WDPCP: variants seen among roughly 807,000 people sequenced by gnomAD.
WDPCP encodes the protein WD repeat-containing and planar cell polarity effector protein fritz homolog.
Under a neutral mutation model 93.1 loss-of-function variants are expected in WDPCP, and 71 were observed. That is an observed-to-expected ratio of 0.76 (90% CI 0.63 to 0.93). The LOEUF is 0.93. WDPCP is among the 40% of genes least tolerant of loss of function. The probability of loss-of-function intolerance (pLI) is 0.00; values close to 1 mark genes in which losing one functional copy is unlikely to be tolerated. For synonymous variants in WDPCP, 315 were observed against 315.0 expected (o/e 1.00, Z 0.00); for missense variants, 844 against 887.4 (o/e 0.95, Z 0.62).
intron 17 of WDPCP, among the ~76,000 whole-genome samples, chr2:63,150,389 C>T (rs1364906290): frequency 6.6e-6 from 1 of 152,122 alleles, no homozygotes; most frequent in Non-Finnish European, 1.5e-5. Flanking sequence ...AAACTACTGG[C>T]ATTCAGTAGA....
chr2:63,131,833 CTTTTT>C (rs55670342), intron 17 of WDPCP, among the ~76,000 whole-genome samples: 2 of 107,718 alleles, frequency 1.9e-5, no homozygotes, highest in African/African-American at 7.2e-5. Flanking sequence ...ATACAGTATT[CTTTTT>C]TTTTTTTTTT....
At chr2:63,607,080 T>G (rs1260290978) in intron 3 of WDPCP, 1 of 1,276,674 alleles carries the variant, frequency 7.8e-7, no homozygotes, top group Non-Finnish European at 1.1e-6. Flanking sequence ...TATACTTAAA[T>G]TACTTGTGAA....
chr2:63,328,781 G>A (rs12713484), intron 12 of WDPCP, among the ~76,000 whole-genome samples: 81,431 of 151,982 alleles, frequency 0.54, 22,235 homozygotes, highest in Admixed American at 0.63. Flanking sequence ...ACCCAGGCTG[G>A]AGTACAGCAG....
At chr2:63,419,063 TAA>T (rs1286161985) in intron 9 of WDPCP, among the ~76,000 whole-genome samples, 4 of 152,210 alleles carry the variant, frequency 2.6e-5, no homozygotes, top group South Asian at 2.1e-4. Flanking sequence ...GTAGAAAAGA[TAA>T]AGAGTCCCTA....
At chr2:63,335,351 T>C (rs746393339) in intron 12 of WDPCP, among the ~76,000 whole-genome samples, 5 of 152,162 alleles carry the variant, frequency 3.3e-5, no homozygotes, top group Non-Finnish European at 7.4e-5. Flanking sequence ...CCTAAAATGA[T>C]TGAGACTCTC....
intron 9 of WDPCP, among the ~76,000 whole-genome samples, chr2:63,406,339 C>T (rs1026158120): frequency 6.6e-6 from 1 of 152,138 alleles, no homozygotes; most frequent in Non-Finnish European, 1.5e-5. Context: ...TCCTTCCCTC[C>T]CTCACACTCT....
chr2:63,373,430 A>G (rs796776021), intron 12 of WDPCP, among the ~76,000 whole-genome samples: 17 of 151,260 alleles, frequency 1.1e-4, no homozygotes, highest in African/African-American at 4.1e-4. Context: ...TTTTTAAAAA[A>G]CGTTTTGTAG....
chr2:63,551,556 C>A, intron 1 of WDPCP, among the ~76,000 whole-genome samples: 1 of 152,294 alleles, frequency 6.6e-6, no homozygotes, highest in South Asian at 2.1e-4. Context: ...CAGCACCATG[C>A]TTCCTGTACA....
At chr2:63,702,426 A>C (rs1043387193) in intron 2 of WDPCP, among the ~76,000 whole-genome samples, 1 of 152,258 alleles carries the variant, frequency 6.6e-6, no homozygotes, top group Non-Finnish European at 1.5e-5. Flanking sequence ...TATATCAATA[A>C]AAAGTAGAAT....
At chr2:63,482,150 T>G (rs1700301839) in intron 6 of WDPCP, among the ~76,000 whole-genome samples, 1 of 152,036 alleles carries the variant, frequency 6.6e-6, no homozygotes, top group African/African-American at 2.4e-5. Context: ...TCTGAAATCT[T>G]ATGTTGCTGT....
intron 2 of WDPCP, among the ~76,000 whole-genome samples, chr2:63,657,485 C>G (rs1274213503): frequency 6.6e-6 from 1 of 152,206 alleles, no homozygotes; most frequent in South Asian, 2.1e-4. Flanking sequence ...AGATTACATG[C>G]GTGAGTCACC....
intron 2 of WDPCP, among the ~76,000 whole-genome samples, chr2:63,794,032 A>G (rs1382832811): frequency 6.6e-6 from 1 of 152,166 alleles, no homozygotes; most frequent in East Asian, 1.9e-4. Flanking sequence ...CAGATAAAAT[A>G]TTAGGTGAAA....
At chr2:63,687,607 C>G (rs1668827298) in intron 2 of WDPCP, among the ~76,000 whole-genome samples, 1 of 152,036 alleles carries the variant, frequency 6.6e-6, no homozygotes. Flanking sequence ...TCATCATCAG[C>G]AAAATGCAAA....
intron 12 of WDPCP, among the ~76,000 whole-genome samples, chr2:63,340,401 C>T (rs1453243562): frequency 1.4e-4 from 22 of 152,154 alleles, no homozygotes. Flanking sequence ...TCTCCTTTGG[C>T]CAAGTTCCAG....
At chr2:63,187,372 G>A (rs1455079244) in intron 14 of WDPCP, among the ~76,000 whole-genome samples, 1 of 151,990 alleles carries the variant, frequency 6.6e-6, no homozygotes. Context: ...AGTAATTACC[G>A]ATATGGAAGG....
intron 1 of WDPCP, among the ~76,000 whole-genome samples, chr2:63,530,776 C>T (rs1020834262): frequency 1.3e-5 from 2 of 152,156 alleles, no homozygotes; most frequent in East Asian, 1.9e-4. Context: ...CCAGCATGAG[C>T]GACACAGAAG....
intron 1 of WDPCP, among the ~76,000 whole-genome samples, chr2:63,532,663 A>G (rs949647175): frequency 3.1e-4 from 47 of 152,338 alleles, no homozygotes; most frequent in African/African-American, 9.9e-4. Context: ...AAATGCTGAG[A>G]GATTTTGTCA....
chr2:63,775,798 G>A (rs1365257922), intron 2 of WDPCP, among the ~76,000 whole-genome samples: 1 of 152,144 alleles, frequency 6.6e-6, no homozygotes, highest in Admixed American at 6.6e-5. Flanking sequence ...AACAGTAGCT[G>A]ACATCAAAAT....
At chr2:63,659,526 C>T (rs1335384633) in intron 2 of WDPCP, among the ~76,000 whole-genome samples, 10 of 152,056 alleles carry the variant, frequency 6.6e-5, no homozygotes, top group Non-Finnish European at 1.5e-4. Flanking sequence ...GCAATGTGAC[C>T]AGGAAGGCAG....
Sources: gnomAD v4.1 joint callset for allele counts (sites outside exome capture counted in the v4.1 genomes callset) on GRCh38, gnomAD v4.1.1 for gene constraint, MANE v1.5 for transcripts, NCBI Gene and HGNC (gene_info 2026-07-23, HGNC 2026-07-21) for gene names.